The following TDRP variants were observed in gnomAD, a reference collection of about 807,000 sequenced individuals.
TDRP encodes the protein testis development related protein.
A neutral mutation model predicts 10.5 loss-of-function variants in TDRP; 12 were observed. The observed-to-expected ratio is 1.15, with a 90% CI of 0.73 to 1.86. TDRP has a LOEUF of 1.86. Ranked by LOEUF, TDRP falls within the 40% of genes most tolerant of loss-of-function variation. The pLI, the probability that TDRP is intolerant of heterozygous loss-of-function variation, is 0.00. For missense variants in TDRP, 353 were observed against 229.2 expected (o/e 1.54, Z -3.49); for synonymous variants, 139 against 95.4 (o/e 1.46, Z -2.67).
intron 1 of TDRP, among the ~76,000 whole-genome samples, chr8:530,218 G>A (rs1410930158): frequency 6.6e-6 from 1 of 151,852 alleles, no homozygotes; most frequent in South Asian, 2.1e-4. Context: ...CTGTCTTGTT[G>A]TTGATATTCT....
At chr8:513,073 C>A (rs1801661086) in intron 1 of TDRP, among the ~76,000 whole-genome samples, 1 of 149,328 alleles carries the variant, frequency 6.7e-6, no homozygotes, top group African/African-American at 2.5e-5. Context: ...ATCCTACCAA[C>A]TATTTAAAGA....
chr8:515,061 A>AG (rs1801721934), intron 1 of TDRP, among the ~76,000 whole-genome samples: 1 of 152,176 alleles, frequency 6.6e-6, no homozygotes, highest in African/African-American at 2.4e-5. Context: ...GTCAGGCTTC[A>AG]GGGCTCCACT....
At chr8:517,983 G>A (rs548450234) in intron 1 of TDRP, among the ~76,000 whole-genome samples, 27 of 152,292 alleles carry the variant, frequency 1.8e-4, no homozygotes, top group African/African-American at 6.5e-4. Flanking sequence ...GTGGAGCACA[G>A]TGGAATTTTA....
intron 1 of TDRP, among the ~76,000 whole-genome samples, chr8:517,679 C>T (rs1166417641): frequency 1.3e-5 from 2 of 152,164 alleles, no homozygotes; most frequent in Non-Finnish European, 2.9e-5. Context: ...ACTTTTGTCC[C>T]CCTAAAATGT....
chr8:519,922 G>C (rs1250950691), intron 1 of TDRP, among the ~76,000 whole-genome samples: 1 of 152,172 alleles, frequency 6.6e-6, no homozygotes, highest in African/African-American at 2.4e-5. Flanking sequence ...AAGCTTCTAA[G>C]GAAATATATG....
intron 2 of TDRP, among the ~76,000 whole-genome samples, chr8:493,919 C>T (rs1384689724): frequency 6.6e-6 from 1 of 151,458 alleles, no homozygotes; most frequent in African/African-American, 2.4e-5. Flanking sequence ...AAAATGCCAA[C>T]AGAGACCCTC....
intron 1 of TDRP, among the ~76,000 whole-genome samples, chr8:510,175 C>G (rs146254924): frequency 1.1e-3 from 164 of 152,282 alleles, no homozygotes; most frequent in Non-Finnish European, 1.9e-3. Flanking sequence ...TAAATAGGTA[C>G]GCATAATTGG....
chr8:544,541 C>T, intron 1 of TDRP, 109 bp downstream of exon 1: 1 of 756,160 alleles, frequency 1.3e-6, no homozygotes. Context: ...ACCTGCCCGC[C>T]CAAACTGTGC....
intron 1 of TDRP, among the ~76,000 whole-genome samples, chr8:528,118 CAAAAG>C (rs1191851087): frequency 1.3e-5 from 2 of 148,164 alleles, no homozygotes; most frequent in East Asian, 3.9e-4. Flanking sequence ...AGACATTTTC[CAAAAG>C]AAGACATATA....
chr8:513,334 T>A (rs1443652752), intron 1 of TDRP, among the ~76,000 whole-genome samples: 1 of 152,112 alleles, frequency 6.6e-6, no homozygotes, highest in Non-Finnish European at 1.5e-5. Context: ...CAAGTGGGAT[T>A]TATCTCAGGA....
chr8:522,147 G>A (rs116247263), intron 1 of TDRP, among the ~76,000 whole-genome samples: 1 of 152,154 alleles, frequency 6.6e-6, no homozygotes, highest in Non-Finnish European at 1.5e-5. Context: ...TACAAGGTCA[G>A]ACAGTCCCCT....
intron 1 of TDRP, among the ~76,000 whole-genome samples, chr8:504,202 C>CA (rs1801389996): frequency 1.3e-5 from 2 of 152,194 alleles, no homozygotes; most frequent in South Asian, 4.1e-4. Context: ...GTGTGACCTC[C>CA]AGGAGTTGTT....
At chr8:519,485 A>G (rs1043448651) in intron 1 of TDRP, among the ~76,000 whole-genome samples, 4 of 152,122 alleles carry the variant, frequency 2.6e-5, no homozygotes, top group African/African-American at 7.2e-5. Flanking sequence ...ATAGAGTTCA[A>G]TTGCGTTAAC....
intron 1 of TDRP, among the ~76,000 whole-genome samples, chr8:520,350 T>C (rs1391147586): frequency 2.6e-5 from 4 of 152,210 alleles, no homozygotes; most frequent in Non-Finnish European, 5.9e-5. Context: ...TATCTATTAA[T>C]CCATCCACAG....
intron 1 of TDRP, among the ~76,000 whole-genome samples, chr8:539,192 T>C (rs190240378): frequency 1.3e-5 from 2 of 152,020 alleles, no homozygotes; most frequent in East Asian, 1.9e-4. Flanking sequence ...TGCAGGTGGG[T>C]ATGTAAGAGG....
chr8:505,530 A>G (rs1317623791), intron 1 of TDRP, among the ~76,000 whole-genome samples: 2 of 152,224 alleles, frequency 1.3e-5, no homozygotes, highest in African/African-American at 4.8e-5. Flanking sequence ...GTTGCTAGAA[A>G]TACCTCAGAC....
At chr8:511,440 T>C (rs373153117) in intron 1 of TDRP, among the ~76,000 whole-genome samples, 7 of 152,206 alleles carry the variant, frequency 4.6e-5, no homozygotes, top group African/African-American at 1.4e-4. Flanking sequence ...GACTTACATG[T>C]ACATAGTAAC....
intron 1 of TDRP, among the ~76,000 whole-genome samples, chr8:514,042 A>G (rs760440280): frequency 1.1e-4 from 16 of 152,238 alleles, no homozygotes; most frequent in Non-Finnish European, 2.1e-4. Flanking sequence ...TACACATTCA[A>G]TGAAACCCCT....
upstream of TDRP, chr8:544,894 G>A (rs1303473602): frequency 1.5e-5 from 8 of 540,880 alleles, no homozygotes; most frequent in African/African-American, 2.0e-5. Flanking sequence ...CGGGGGCGGG[G>A]CACCCCCAGA....
Sources: allele counts gnomAD v4.1 joint callset (sites outside exome capture counted in the v4.1 genomes callset), GRCh38; gene constraint gnomAD v4.1.1; transcripts MANE v1.5; gene names NCBI Gene and HGNC (gene_info 2026-07-23, HGNC 2026-07-21).